The following PLEKHA7 variants were observed in gnomAD, a reference collection of about 807,000 sequenced individuals.
PLEKHA7 encodes the protein pleckstrin homology domain-containing family A member 7.
A neutral mutation model predicts 170.0 loss-of-function variants in PLEKHA7; 104 were observed. The ratio of observed to expected loss-of-function variants is 0.61; its 90% CI spans 0.52 to 0.72. The LOEUF is 0.72. Ranked by LOEUF, PLEKHA7 falls within the 30% of genes least tolerant of loss-of-function variation. The pLI is 0.00. For synonymous variants in PLEKHA7, 648 were observed against 660.8 expected, an observed-to-expected ratio of 0.98 and a Z score of 0.30; for missense variants, 1,615 against 1,671.7, an observed-to-expected ratio of 0.97 and a Z score of 0.59.
rs554388432 is a variant in PLEKHA7, at chr11:16,888,003, C to T, written c.222-16821G>A. Among the ~76,000 whole-genome samples the T allele has an allele frequency of 4.4e-3, 660 of 150,810 alleles. 3 individuals carry two copies. Among genetic ancestry groups the T allele is most frequent in the Non-Finnish European group, 7.2e-3 (485 of 67,704 alleles). On this transcript the variant is annotated intron_variant, in intron 3 of 26. Transcript: ENST00000531066. ...AGATGTGGGGAGCACCTCTGCCCCG[C>T]CGCCCCGTCTGGGATGTGAGGAGCG... is the stretch of plus-strand genomic sequence containing the variant.
At chr11:16,951,705 T>C (rs552736785) in intron 3 of PLEKHA7, among the ~76,000 whole-genome samples, 16 of 152,280 alleles carry the variant, frequency 1.1e-4, no homozygotes, top group African/African-American at 3.9e-4. Context: ...CATTTCTGGG[T>C]TAGTAACTTG....
intron 26 of PLEKHA7, among the ~76,000 whole-genome samples, chr11:16,779,982 G>A (rs993738908): frequency 5.2e-4 from 7 of 13,502 alleles, no homozygotes; most frequent in East Asian, 3.8e-3. Flanking sequence ...AAACGGGGAG[G>A]GGGGGGGGAA....
intron 3 of PLEKHA7, among the ~76,000 whole-genome samples, chr11:16,928,598 A>G (rs1164482870): frequency 6.6e-6 from 1 of 152,002 alleles, no homozygotes; most frequent in African/African-American, 2.4e-5. Context: ...CACTACAAGC[A>G]TGTGCCACCA....
chr11:16,848,778 T>G (rs192162837), intron 8 of PLEKHA7, among the ~76,000 whole-genome samples: 1 of 152,220 alleles, frequency 6.6e-6, no homozygotes, highest in East Asian at 1.9e-4. Context: ...GGTTAAAGAG[T>G]AGGCCAAGTA....
chr11:16,896,627 C>A (rs1433122561), intron 3 of PLEKHA7, among the ~76,000 whole-genome samples: 1 of 152,194 alleles, frequency 6.6e-6, no homozygotes, highest in East Asian at 1.9e-4. Flanking sequence ...ATTCCCAATT[C>A]TCTTTCTACG....
At chr11:16,893,230 T>C (rs1283827928) in intron 3 of PLEKHA7, among the ~76,000 whole-genome samples, 1 of 152,158 alleles carries the variant, frequency 6.6e-6, no homozygotes, top group Non-Finnish European at 1.5e-5. Flanking sequence ...TTCAAAAGAG[T>C]TTAGGATTCC....
chr11:16,987,789 T>G (rs1255064626), intron 3 of PLEKHA7, among the ~76,000 whole-genome samples: 4 of 151,950 alleles, frequency 2.6e-5, no homozygotes, highest in Non-Finnish European at 4.4e-5. Context: ...TGTCCCAAAC[T>G]CTTTCTGCCT....
intron 3 of PLEKHA7, among the ~76,000 whole-genome samples, chr11:16,917,076 G>A (rs931855598): frequency 3.3e-5 from 5 of 152,054 alleles, no homozygotes; most frequent in Non-Finnish European, 5.9e-5. Context: ...AAAATTAGCC[G>A]GGCTTGGTGG....
At chr11:16,971,143 G>A (rs1169017283) in intron 3 of PLEKHA7, among the ~76,000 whole-genome samples, 1 of 152,164 alleles carries the variant, frequency 6.6e-6, no homozygotes, top group East Asian at 1.9e-4. Context: ...AAGCACTTCA[G>A]TCTTAATTCA....
intron 13 of PLEKHA7, among the ~76,000 whole-genome samples, chr11:16,809,981 A>G (rs549513691): frequency 1.4e-5 from 2 of 140,548 alleles, no homozygotes; most frequent in East Asian, 4.2e-4. Context: ...TCCTCACTGC[A>G]TGGAATACTG....
chr11:16,993,052 C>T (rs935678295), intron 3 of PLEKHA7, among the ~76,000 whole-genome samples: 2 of 152,142 alleles, frequency 1.3e-5, no homozygotes, highest in Non-Finnish European at 2.9e-5. Flanking sequence ...TCCCTCTGCC[C>T]AGCCTGGGAG....
intron 3 of PLEKHA7, among the ~76,000 whole-genome samples, chr11:16,930,222 C>T (rs1298992385): frequency 6.6e-6 from 1 of 152,034 alleles, no homozygotes; most frequent in African/African-American, 2.4e-5. Flanking sequence ...TACCCAGGAA[C>T]TCTTAATCCA....
rs182935412 is a variant in PLEKHA7, at chr11:16,782,138, T to C, written c.3793+616A>G. On this transcript the variant is annotated intron_variant, in intron 26 of 26. Transcript: ENST00000531066. ...ACACAGACACACATACACACACACA[T>C]AGACACACATTGAGACACACGGACA... is the stretch of plus-strand genomic sequence containing the variant. Among the ~76,000 whole-genome samples, 164 of 148,918 alleles carry C rather than the reference T, an allele frequency of 1.1e-3. 1 individual carries two copies. The highest frequency in any genetic ancestry group is 7.4e-5 in the Non-Finnish European group (5 of 67,266).
At chr11:16,936,090 T>C (rs1488180795) in intron 3 of PLEKHA7, among the ~76,000 whole-genome samples, 1 of 152,138 alleles carries the variant, frequency 6.6e-6, no homozygotes, top group African/African-American at 2.4e-5. Context: ...TTTAATATGA[T>C]AATGAACCCC....
chr11:16,998,312 C>T (rs2137016320), intron 3 of PLEKHA7, among the ~76,000 whole-genome samples: 1 of 152,140 alleles, frequency 6.6e-6, no homozygotes, highest in South Asian at 2.1e-4. Flanking sequence ...AAAAAACAAA[C>T]AAACAAACTC....
At position 16,934,551 on chromosome 11, in the gene PLEKHA7, G is replaced by A. The variant is rs559762345; in HGVS notation, c.222-63369C>T. ...CTACATCAACTTGTCCAATGAACTG[G>A]CTTTTTACCTAAACAGAAACAGTAC... On this transcript the variant is annotated intron_variant, in intron 3 of 26. Transcript: ENST00000531066. 3.3e-5 allele frequency among the ~76,000 whole-genome samples: 5 copies of A among 152,266 alleles called. No homozygotes were observed. The East Asian group carries it at 9.6e-4, about 29-fold the overall frequency.
intron 3 of PLEKHA7, among the ~76,000 whole-genome samples, chr11:16,933,441 G>T (rs1039359877): frequency 6.6e-6 from 1 of 152,216 alleles, no homozygotes; most frequent in Non-Finnish European, 1.5e-5. Context: ...TGAAACTCCT[G>T]GGAGGGATTC....
chr11:17,007,875 T>C (rs1336804370), intron 3 of PLEKHA7, among the ~76,000 whole-genome samples: 1 of 152,182 alleles, frequency 6.6e-6, no homozygotes, highest in African/African-American at 2.4e-5. Context: ...ACGCCCGGCC[T>C]AAAGATATTC....
intron 13 of PLEKHA7, among the ~76,000 whole-genome samples, chr11:16,804,679 C>T (rs1220940059): frequency 1.3e-5 from 2 of 152,226 alleles, no homozygotes; most frequent in Non-Finnish European, 2.9e-5. Flanking sequence ...CTGGCACAAA[C>T]TCAGCAAATG....
Sources: allele counts gnomAD v4.1 joint callset (sites outside exome capture counted in the v4.1 genomes callset), GRCh38; gene constraint gnomAD v4.1.1; transcripts MANE v1.5; gene names NCBI Gene and HGNC (gene_info 2026-07-23, HGNC 2026-07-21).